Variants in RTN4R observed in about 807,000 individuals in gnomAD.
RTN4R encodes the protein reticulon-4 receptor.
A neutral mutation model predicts 27.7 loss-of-function variants in RTN4R; 4 were observed. The ratio of observed to expected loss-of-function variants is 0.14; its 90% CI spans 0.07 to 0.33. The LOEUF (loss-of-function observed/expected upper bound fraction) is 0.33. RTN4R is among the 10% of genes least tolerant of loss of function. RTN4R has a pLI of 1.00. For missense variants in RTN4R, 554 were observed against 671.5 expected (o/e 0.83, Z 1.93); for synonymous variants, 290 against 305.6 (o/e 0.95, Z 0.53).
intron 1 of RTN4R, among the ~76,000 whole-genome samples, chr22:20,265,248 G>A (rs1337331948): frequency 1.3e-5 from 2 of 152,204 alleles, no homozygotes; most frequent in African/African-American, 4.8e-5. Flanking sequence ...GAGGGGGAGA[G>A]CACGGTCCCA....
At chr22:20,256,015 C>T (rs960724681) in intron 1 of RTN4R, among the ~76,000 whole-genome samples, 4 of 152,238 alleles carry the variant, frequency 2.6e-5, no homozygotes, top group Non-Finnish European at 5.9e-5. Flanking sequence ...TATTTGAAAT[C>T]AATTTGGGAT....
chr22:20,248,561 C>T (rs569464294), intron 1 of RTN4R, among the ~76,000 whole-genome samples: 9 of 152,340 alleles, frequency 5.9e-5, no homozygotes, highest in East Asian at 1.9e-4. Flanking sequence ...GCCCTCCCTC[C>T]GTACCTTGGC....
chr22:20,243,192 C>T, intron 1 of RTN4R, 82 bp from the exon 2 acceptor site: 1 of 1,428,068 alleles, frequency 7.0e-7, no homozygotes, highest in Non-Finnish European at 9.5e-7. Context: ...CAGGTGGGCC[C>T]CGGAGATTGG....
chr22:20,257,615 C>T (rs751551673), intron 1 of RTN4R, among the ~76,000 whole-genome samples: 34 of 152,224 alleles, frequency 2.2e-4, no homozygotes, highest in Admixed American at 2.2e-3. Context: ...AATGTGCTTC[C>T]GTTGTTTAGG....
At chr22:20,257,629 C>G (rs1271315447) in intron 1 of RTN4R, among the ~76,000 whole-genome samples, 1 of 152,244 alleles carries the variant, frequency 6.6e-6, no homozygotes, top group Non-Finnish European at 1.5e-5. Context: ...GTTTAGGACA[C>G]CTTGTCTATC....
rs1251935609 is a variant in RTN4R, at chr22:20,242,653, G to A, written c.480C>T (p.Tyr160=). 1.9e-6 allele frequency: 3 copies of A among 1,612,454 alleles called. No individual in the cohort carries two copies. Among genetic ancestry groups the A allele is most frequent in the Middle Eastern group, 1.7e-4 (1 of 5,976 alleles). Residue 160 remains tyrosine, a synonymous_variant, in exon 2 of 2, where the codon TAC becomes TAT. Transcript: ENST00000043402. ...FRGLAALQYL[Y]LQDNALQALP... is the part of the protein sequence containing the mutation. ...GTGCCTGCAGCGCGTTGTCCTGCAG[G>A]TAGAGGTACTGCAGGGCAGCCAGGC...
At chr22:20,261,714 G>A (rs2051248386) in intron 1 of RTN4R, among the ~76,000 whole-genome samples, 2 of 152,208 alleles carry the variant, frequency 1.3e-5, no homozygotes, top group East Asian at 1.9e-4. Context: ...CCGGCGCCTG[G>A]GCCCTCCCTC....
chr22:20,258,721 G>T (rs1233862649), intron 1 of RTN4R, among the ~76,000 whole-genome samples: 1 of 152,208 alleles, frequency 6.6e-6, no homozygotes, highest in South Asian at 2.1e-4. Flanking sequence ...CCCAGAAGCA[G>T]TGATGGAGAC....
intron 1 of RTN4R, among the ~76,000 whole-genome samples, chr22:20,264,227 A>G (rs2051264435): frequency 6.6e-6 from 1 of 152,234 alleles, no homozygotes; most frequent in African/African-American, 2.4e-5. Context: ...AGGTTTGGAT[A>G]AATAAATGAT....
At chr22:20,243,275 C>T (rs1457226049) in intron 1 of RTN4R, 165 bp from the exon 2 acceptor site, 35 of 694,554 alleles carry the variant, frequency 5.0e-5, no homozygotes, top group Admixed American at 6.6e-5. Flanking sequence ...GGGATCCCTG[C>T]TTCACAGGCC....
intron 1 of RTN4R, among the ~76,000 whole-genome samples, chr22:20,246,537 G>C (rs1266522702): frequency 6.6e-6 from 1 of 152,070 alleles, no homozygotes; most frequent in Non-Finnish European, 1.5e-5. Context: ...GGAGGCTCTG[G>C]GGATATGCCC....
chr22:20,245,878 C>A (rs1282933064), intron 1 of RTN4R, among the ~76,000 whole-genome samples: 3 of 152,220 alleles, frequency 2.0e-5, no homozygotes, highest in Non-Finnish European at 4.4e-5. Flanking sequence ...CCAGCCCTGC[C>A]ATGGCCCCAG....
rs749890237 is a variant in RTN4R at position 20,242,742 on chromosome 22, G to A, written c.391C>T (p.Arg131Cys). 36 of 1,612,486 alleles carry A rather than the reference G, an allele frequency of 2.2e-5. 1 individual carries two copies. Among genetic ancestry groups the A allele is most frequent in the Admixed American group, 5.0e-5 (3 of 59,976 alleles). ...VDPATFHGLG[R>C]LHTLHLDRCG... The stretch of plus-strand genomic sequence containing the variant: ...CGGTCCAGGTGCAGCGTGTGTAGGC[G>A]GCCCAGGCCGTGGAATGTGGCAGGG... The change falls in exon 2 of 2, where the codon CGC (arginine) becomes TGC (cysteine). Residue 131 changes from arginine (R) to cysteine (C), a missense_variant. Arg to Cys is a radical substitution (Grantham distance 180). This residue lies in a region of RTN4R where 413 missense variants were observed against 542.3 expected (regional missense o/e 0.76). Coordinates refer to ENST00000043402, the MANE Select transcript of RTN4R (RefSeq NM_023004.6).
At chr22:20,247,631 T>G (rs935427020) in intron 1 of RTN4R, among the ~76,000 whole-genome samples, 1 of 152,120 alleles carries the variant, frequency 6.6e-6, no homozygotes, top group Non-Finnish European at 1.5e-5. Flanking sequence ...GGCAGGAGAT[T>G]GGCAGCAGCT....
chr22:20,254,289 T>G (rs1041077027), intron 1 of RTN4R, among the ~76,000 whole-genome samples: 7 of 151,204 alleles, frequency 4.6e-5, no homozygotes, highest in African/African-American at 1.7e-4. Context: ...GTTAGCCGGG[T>G]GTGGTGATGC....
Position 20,267,324 on chromosome 22 carries a change from GGCGGGGCAT to G in RTN4R, c.22+738_22+746del, listed in dbSNP as rs367811067. On this transcript the variant is annotated intron_variant, in intron 1 of 1. Transcript: ENST00000043402. ...GTGGGCACCTGGGGAGCACCCTCCA[GGCGGGGCAT>G]GCCCAACTCACATGGAGCCCACCCT... 2.1e-3 allele frequency among the ~76,000 whole-genome samples: 322 copies of G among 152,348 alleles called. 1 individual carries two copies. Among genetic ancestry groups the G allele is most frequent in the African/African-American group, 6.9e-3 (288 of 41,590 alleles).
At position 20,268,088 on chromosome 22, in the gene RTN4R, T is replaced by C; in HGVS notation, c.5A>G (p.Lys2Arg). M[K>R]RASAGGSRLL... ...ACACTCACCTCCAGCGGACGCCCTC[T>C]TCATCGTAGGGGTTGGGCGGGGCGC... The change falls in exon 1 of 2, where the codon AAG (lysine) becomes AGG (arginine). Residue 2 changes from lysine to arginine, a missense_variant. Physicochemically the swap from Lys to Arg is conservative, Grantham distance 26. This residue lies in a region of RTN4R where 413 missense variants were observed against 542.3 expected (regional missense o/e 0.76). Coordinates refer to ENST00000043402, the MANE Select transcript of RTN4R (RefSeq NM_023004.6). 8.4e-7 allele frequency: 1 copy of C among 1,195,362 alleles called. No homozygotes were observed. Among genetic ancestry groups the C allele is most frequent in the Non-Finnish European group, 1.0e-6 (1 of 960,782 alleles). The allele number at this position is 1,195,362 out of a possible 1,614,324, so 74.0% of individuals were successfully genotyped here.
At chr22:20,253,149 C>T (rs1186177673) in intron 1 of RTN4R, among the ~76,000 whole-genome samples, 2 of 152,230 alleles carry the variant, frequency 1.3e-5, no homozygotes, top group Non-Finnish European at 1.5e-5. Context: ...AGGATCCTGG[C>T]TGCATCTGGG....
At chr22:20,258,833 A>G (rs1045144814) in intron 1 of RTN4R, among the ~76,000 whole-genome samples, 2 of 152,134 alleles carry the variant, frequency 1.3e-5, no homozygotes, top group African/African-American at 2.4e-5. Flanking sequence ...CAGCACCTTC[A>G]GGTGGGGTGG....
Sources: gnomAD v4.1 joint callset for allele counts (sites outside exome capture counted in the v4.1 genomes callset) on GRCh38, gnomAD v4.1.1 for gene constraint, gnomAD v4.1.1 regional missense constraint, MANE v1.5 for transcripts, NCBI Gene and HGNC (gene_info 2026-07-23, HGNC 2026-07-21) for gene names.